NDST3: variants seen among roughly 807,000 people sequenced by gnomAD.
The protein encoded by NDST3 is bifunctional heparan sulfate N-deacetylase/N-sulfotransferase 3.
A neutral mutation model predicts 96.1 loss-of-function variants in NDST3; 58 were observed. That is an observed-to-expected ratio of 0.60 (90% CI 0.49 to 0.75). The LOEUF (loss-of-function observed/expected upper bound fraction) is 0.75, where lower values mean the gene tolerates loss of function less well. Ranked by LOEUF, NDST3 falls within the 30% of genes least tolerant of loss-of-function variation. NDST3 has a pLI of 0.00. For missense variants in NDST3, 788 were observed against 1,034.2 expected (o/e 0.76, Z 3.27); for synonymous variants, 333 against 359.7 (o/e 0.93, Z 0.84).
intron 9 of NDST3, among the ~76,000 whole-genome samples, chr4:118,233,830 G>A (rs1043326343): frequency 1.5e-4 from 23 of 152,152 alleles, no homozygotes; most frequent in Non-Finnish European, 1.5e-5. Flanking sequence ...GTATAAAGGA[G>A]TGAATTATAA....
At chr4:118,126,806 A>C (rs1473378307) in intron 4 of NDST3, among the ~76,000 whole-genome samples, 3 of 152,006 alleles carry the variant, frequency 2.0e-5, no homozygotes, top group Admixed American at 1.3e-4. Flanking sequence ...TTACATCCCC[A>C]CCAACAGCGT....
chr4:118,165,463 G>A (rs13141841), intron 6 of NDST3, among the ~76,000 whole-genome samples: 10,405 of 152,108 alleles, frequency 0.068, 398 homozygotes, highest in Non-Finnish European at 0.093. Context: ...GAAATAGACA[G>A]TAACACAATA....
intron 12 of NDST3, among the ~76,000 whole-genome samples, chr4:118,246,890 G>C (rs564977629): frequency 1.7e-4 from 26 of 152,154 alleles, no homozygotes; most frequent in Non-Finnish European, 3.5e-4. Context: ...GAGATTTGGT[G>C]CGGACACAGA....
Position 118,253,534 on chromosome 4 carries a change from T to C in NDST3, c.2435T>C (p.Leu812Pro), listed in dbSNP as rs777897736. The C allele has an allele frequency of 3.7e-6, 6 of 1,612,702 alleles. No individual in the cohort carries two copies. The highest frequency in any genetic ancestry group is 5.1e-6 in the Non-Finnish European group (6 of 1,179,106). The change falls in exon 13 of 14, where the codon CTG becomes CCG. Residue 812 changes from leucine to proline, a missense_variant. Leu to Pro is a moderately conservative substitution (Grantham distance 98). Around this residue, in one of 3 missense-constraint regions of NDST3, gnomAD observed 64 missense variants for 68.5 expected, o/e 0.93. Coordinates refer to ENST00000296499, the MANE Select transcript of NDST3 (RefSeq NM_004784.3). ...DSHKGFWCQL[L>P]EEGKTKCLGK... ...CATAAAGGTTTCTGGTGTCAGTTAC[T>C]GGAAGAAGGTAAAACAAAATGCCTT... is the stretch of plus-strand genomic sequence containing the variant.
At position 118,257,139 on chromosome 4, in the gene NDST3, A is replaced by ATTT. The variant is rs544855252; in HGVS notation, c.*1436_*1438dup. On this transcript the variant is annotated 3_prime_UTR_variant, in exon 14 of 14. Coordinates refer to ENST00000296499, the MANE Select transcript of NDST3 (RefSeq NM_004784.3). ...TTATTTTCCTGTTAATATTTACTTAATTTTTTTTTTTGAGAGGGGGACAGA... is the reference window on the plus strand; with the variant it reads ...TTATTTTCCTGTTAATATTTACTTAATTTTTTTTTTTTTTGAGAGGGGGACAGA... The ATTT allele has an allele frequency of 6.7e-6, 1 of 148,850 alleles. No individual in the cohort carries two copies. Among genetic ancestry groups the ATTT allele is most frequent in the Non-Finnish European group, 1.5e-5 (1 of 66,932 alleles). The allele number at this position is 148,850 out of a possible 1,614,324, so 9.2% of individuals were successfully genotyped here.
At chr4:118,051,439 G>A (rs79094500) in intron 1 of NDST3, among the ~76,000 whole-genome samples, 7,991 of 152,214 alleles carry the variant, frequency 0.052, 325 homozygotes, top group Non-Finnish European at 0.084. Flanking sequence ...CTTCTGAACA[G>A]CAGAAGAAAC....
intron 6 of NDST3, among the ~76,000 whole-genome samples, chr4:118,203,795 G>A (rs191374416): frequency 4.8e-4 from 73 of 152,254 alleles, no homozygotes; most frequent in African/African-American, 1.6e-3. Flanking sequence ...AAGAAAATAA[G>A]GATCCCATTT....
At chr4:118,221,055 C>T (rs1010469643) in intron 6 of NDST3, among the ~76,000 whole-genome samples, 3 of 151,938 alleles carry the variant, frequency 2.0e-5, no homozygotes, top group African/African-American at 7.2e-5. Flanking sequence ...GGTACCAGGG[C>T]CTCCTCCAGA....
intron 6 of NDST3, among the ~76,000 whole-genome samples, chr4:118,197,764 GTGTTT>G (rs1246418630): frequency 6.8e-6 from 1 of 146,088 alleles, no homozygotes; most frequent in Non-Finnish European, 1.5e-5. Context: ...GTTTTTTGGT[GTGTTT>G]TGTTTTGTTT....
At chr4:118,096,886 G>C (rs1017424686) in intron 2 of NDST3, among the ~76,000 whole-genome samples, 1 of 151,896 alleles carries the variant, frequency 6.6e-6, no homozygotes, top group Non-Finnish European at 1.5e-5. Context: ...TCTAAAATCT[G>C]ACAGGTTCGA....
intron 1 of NDST3, among the ~76,000 whole-genome samples, chr4:118,047,650 C>T (rs909527721): frequency 1.3e-5 from 2 of 152,138 alleles, no homozygotes; most frequent in African/African-American, 4.8e-5. Flanking sequence ...AAAAGAACTT[C>T]AGAGCTTGAA....
intron 6 of NDST3, among the ~76,000 whole-genome samples, chr4:118,191,453 T>A (rs750815665): frequency 3.3e-5 from 5 of 152,186 alleles, no homozygotes; most frequent in African/African-American, 4.8e-5. Flanking sequence ...ACTTAGCTAT[T>A]GTTTCTTAGC....
At chr4:118,242,950 G>C (rs989784672) in intron 12 of NDST3, among the ~76,000 whole-genome samples, 1 of 152,090 alleles carries the variant, frequency 6.6e-6, no homozygotes, top group Non-Finnish European at 1.5e-5. Flanking sequence ...TTTTGAAGAA[G>C]ACCTCTATCT....
At chr4:118,058,922 C>G (rs567858349) in intron 2 of NDST3, among the ~76,000 whole-genome samples, 17 of 152,114 alleles carry the variant, frequency 1.1e-4, no homozygotes, top group African/African-American at 4.1e-4. Flanking sequence ...ACCTTTAGAC[C>G]TACCATTTCA....
At chr4:118,043,562 G>C (rs1282206732) in intron 1 of NDST3, among the ~76,000 whole-genome samples, 3 of 152,234 alleles carry the variant, frequency 2.0e-5, no homozygotes, top group Non-Finnish European at 4.4e-5. Flanking sequence ...GTGGCGAGGA[G>C]CTTAATTTTC....
chr4:118,098,128 A>G (rs1729491360), intron 2 of NDST3, among the ~76,000 whole-genome samples: 1 of 151,906 alleles, frequency 6.6e-6, no homozygotes, highest in Admixed American at 6.6e-5. Flanking sequence ...TCTGCAACTA[A>G]AAGGAAATCT....
intron 2 of NDST3, among the ~76,000 whole-genome samples, chr4:118,067,204 CA>C (rs1187009158): frequency 6.6e-6 from 1 of 151,460 alleles, no homozygotes; most frequent in Admixed American, 6.6e-5. Flanking sequence ...TAACATTTAA[CA>C]AAAATTATTT....
chr4:118,085,110 G>A lies in NDST3; in HGVS notation c.982-19908G>A, dbSNP rs111783298. On this transcript the variant is annotated intron_variant, in intron 2 of 13. Transcript: ENST00000296499. ...TGCACTCCAGCCTGGGCGACAGAGC[G>A]AGACTCCGTAAAAACAACAACAACA... is the stretch of plus-strand genomic sequence containing the variant. Among the ~76,000 whole-genome samples, 731 of 123,002 alleles carry A rather than the reference G, an allele frequency of 5.9e-3. 7 individuals carry two copies. Among genetic ancestry groups the A allele is most frequent in the African/African-American group, 0.018 (696 of 38,106 alleles). The allele number at this position is 123,002 out of a possible 152,430, so 80.7% of individuals were successfully genotyped here.
chr4:118,172,938 A>G (rs1736044383), intron 6 of NDST3, among the ~76,000 whole-genome samples: 1 of 152,140 alleles, frequency 6.6e-6, no homozygotes, highest in South Asian at 2.1e-4. Flanking sequence ...AACACTAATA[A>G]TATGTAAACT....
Sources: allele counts gnomAD v4.1 joint callset (sites outside exome capture counted in the v4.1 genomes callset), GRCh38; gene constraint gnomAD v4.1.1; regional missense constraint gnomAD v4.1.1; transcripts MANE v1.5; gene names NCBI Gene and HGNC (gene_info 2026-07-23, HGNC 2026-07-21).